The following TCF7L2 variants were observed in gnomAD, a reference collection of about 807,000 sequenced individuals.
TCF7L2 encodes transcription factor 7-like 2.
In TCF7L2, 23 loss-of-function variants were observed where a neutral mutation model predicts 77.9. The observed-to-expected ratio is 0.30, with a 90% CI of 0.21 to 0.42. TCF7L2 has a LOEUF of 0.42. Among genes scored for constraint, TCF7L2 ranks in the 10% least tolerant of loss-of-function variants. The probability of loss-of-function intolerance (pLI) is 1.00; values close to 1 mark genes in which losing one functional copy is unlikely to be tolerated. For synonymous variants in TCF7L2, 413 were observed against 340.2 expected, an observed-to-expected ratio of 1.21 and a Z score of -2.36; for missense variants, 654 against 793.1, an observed-to-expected ratio of 0.82 and a Z score of 2.11.
Position 112,995,168 on chromosome 10 carries a change from G to A in TCF7L2, c.450+30544G>A, listed in dbSNP as rs547642329. ...TCCTCCTCAGGGGAACCCCTGGGCT[G>A]CTCTCTGGGTAGAGATGGGAACCCA... On this transcript the variant is annotated intron_variant, in intron 4 of 13. Transcript: ENST00000627217. Among the ~76,000 whole-genome samples, 18 of 152,332 alleles carry A rather than the reference G, an allele frequency of 1.2e-4. No individual in the cohort carries two copies. The South Asian group carries it at 3.7e-3, about 32-fold the overall frequency.
chr10:112,993,576 T>C (rs1035702177), intron 4 of TCF7L2, among the ~76,000 whole-genome samples: 6 of 152,286 alleles, frequency 3.9e-5, no homozygotes, highest in African/African-American at 1.4e-4. Context: ...ATTGGGCCTC[T>C]GTACCTAGGT....
At chr10:113,037,702 C>T (rs567369883) in intron 4 of TCF7L2, among the ~76,000 whole-genome samples, 1 of 152,280 alleles carries the variant, frequency 6.6e-6, no homozygotes, top group South Asian at 2.1e-4. Context: ...GCCCGAGTTT[C>T]CTAATTCTAC....
intron 5 of TCF7L2, among the ~76,000 whole-genome samples, chr10:113,104,207 G>T (rs1307757988): frequency 6.6e-6 from 1 of 152,182 alleles, no homozygotes; most frequent in Non-Finnish European, 1.5e-5. Flanking sequence ...ATTTGCCTTT[G>T]TTAAAGGAGG....
intron 3 of TCF7L2, among the ~76,000 whole-genome samples, chr10:112,955,373 G>T (rs969420064): frequency 1.3e-5 from 2 of 152,012 alleles, no homozygotes; most frequent in Non-Finnish European, 2.9e-5. Context: ...ATCTTTATAG[G>T]TTGGGGTTTA....
At chr10:112,970,165 T>TG (rs1395993035) in intron 4 of TCF7L2, among the ~76,000 whole-genome samples, 1 of 128,776 alleles carries the variant, frequency 7.8e-6, no homozygotes, top group East Asian at 3.3e-4. Context: ...TTTGAAGTGG[T>TG]TTGTGTGTGT....
At chr10:113,157,213 G>A (rs985693173) in intron 11 of TCF7L2, among the ~76,000 whole-genome samples, 5 of 152,186 alleles carry the variant, frequency 3.3e-5, no homozygotes, top group African/African-American at 1.2e-4. Context: ...CCGCCTTCTG[G>A]GTTCAGGCGA....
chr10:113,014,580 G>C (rs1364989864), intron 4 of TCF7L2, among the ~76,000 whole-genome samples: 1 of 151,686 alleles, frequency 6.6e-6, no homozygotes, highest in African/African-American at 2.4e-5. Flanking sequence ...GATCACCTGA[G>C]GTCAGGAGTT....
At chr10:113,098,497 G>C (rs1380903210) in intron 5 of TCF7L2, among the ~76,000 whole-genome samples, 1 of 152,148 alleles carries the variant, frequency 6.6e-6, no homozygotes, top group Non-Finnish European at 1.5e-5. Context: ...ACAAGGTCAG[G>C]AGTTCGAGAC....
At chr10:113,089,439 C>A in intron 5 of TCF7L2, 1 of 1,613,908 alleles carries the variant, frequency 6.2e-7, no homozygotes, top group Non-Finnish European at 8.5e-7. Context: ...TGACTGTCAG[C>A]ACTTCTACCC....
chr10:113,145,972 C>A, intron 7 of TCF7L2, 39 bp from the exon 8 acceptor site: 3 of 1,342,574 alleles, frequency 2.2e-6, no homozygotes, highest in South Asian at 2.5e-5. Flanking sequence ...CACCCCCACC[C>A]TTGTTTCAAG....
At chr10:113,115,349 A>C (rs1437919296) in intron 5 of TCF7L2, among the ~76,000 whole-genome samples, 1 of 152,224 alleles carries the variant, frequency 6.6e-6, no homozygotes, top group Non-Finnish European at 1.5e-5. Context: ...CCAAATATAC[A>C]TTTTGAAAAC....
At chr10:113,060,406 A>T (rs1300747644) in intron 5 of TCF7L2, among the ~76,000 whole-genome samples, 1 of 152,210 alleles carries the variant, frequency 6.6e-6, no homozygotes, top group Non-Finnish European at 1.5e-5. Flanking sequence ...AAAAGCAGTG[A>T]CTGAGCTTAC....
chr10:113,101,422 A>G (rs963893110), intron 5 of TCF7L2, among the ~76,000 whole-genome samples: 3 of 152,104 alleles, frequency 2.0e-5, no homozygotes, highest in Non-Finnish European at 4.4e-5. Flanking sequence ...GCATACCTGT[A>G]GTCCCAGCTA....
chr10:112,964,282 T>C (rs1341661108), intron 3 of TCF7L2, among the ~76,000 whole-genome samples: 1 of 152,170 alleles, frequency 6.6e-6, no homozygotes, highest in Non-Finnish European at 1.5e-5. Context: ...TTCCTTTTCA[T>C]GTCATTGATT....
chr10:112,979,448 T>G (rs1272147624), intron 4 of TCF7L2, among the ~76,000 whole-genome samples: 1 of 152,138 alleles, frequency 6.6e-6, no homozygotes, highest in East Asian at 1.9e-4. Flanking sequence ...TCAGCTTAGT[T>G]GAAGAACCAG....
chr10:113,150,976 T>C, intron 8 of TCF7L2, 22 bp from the exon 9 acceptor site: 1 of 1,614,058 alleles, frequency 6.2e-7, no homozygotes, highest in Non-Finnish European at 8.5e-7. Flanking sequence ...TCTGACGATT[T>C]ACACAGCTTT....
intron 4 of TCF7L2, among the ~76,000 whole-genome samples, chr10:112,986,563 A>G (rs1026986186): frequency 1.3e-5 from 2 of 152,206 alleles, no homozygotes; most frequent in Non-Finnish European, 2.9e-5. Flanking sequence ...GGTCTATCAA[A>G]AAAGATCAAT....
In TCF7L2 at chr10:113,160,178, A is replaced by G. The variant is rs557784362; in HGVS notation, c.1319-441A>G. The stretch of plus-strand genomic sequence containing the variant: ...TGTTCTCCTGCTGCTGCCAGCCAAA[A>G]TGCCACTGTAAAACAGCATCACTCG... On this transcript the variant is annotated intron_variant, in intron 12 of 13. Coordinates refer to ENST00000627217, the MANE Select transcript of TCF7L2 (RefSeq NM_001146274.2). Among the ~76,000 whole-genome samples the G allele has an allele frequency of 1.8e-4, 27 of 151,858 alleles. No individual in the cohort carries two copies. The South Asian group carries it at 5.0e-3, about 28-fold the overall frequency.
At chr10:113,106,720 A>G (rs569825334) in intron 5 of TCF7L2, among the ~76,000 whole-genome samples, 6 of 152,230 alleles carry the variant, frequency 3.9e-5, no homozygotes, top group Non-Finnish European at 8.8e-5. Context: ...ATACATAGAC[A>G]ATCAGATCTT....
Sources: allele counts gnomAD v4.1 joint callset (sites outside exome capture counted in the v4.1 genomes callset), GRCh38; gene constraint gnomAD v4.1.1; transcripts MANE v1.5; gene names NCBI Gene and HGNC (gene_info 2026-07-23, HGNC 2026-07-21).